Variants in AMPD2 observed in about 807,000 individuals in gnomAD.
AMPD2 encodes AMP deaminase 2.
Under a neutral mutation model 91.3 loss-of-function variants are expected in AMPD2, and 52 were observed. The ratio of observed to expected loss-of-function variants is 0.57; its 90% CI spans 0.46 to 0.72. The LOEUF (loss-of-function observed/expected upper bound fraction) is 0.72. Among genes scored for constraint, AMPD2 ranks in the 30% least tolerant of loss-of-function variants. AMPD2 has a pLI of 0.00. For synonymous variants in AMPD2, 455 were observed against 456.4 expected (o/e 1.00, Z 0.04); for missense variants, 822 against 1,122.3 (o/e 0.73, Z 3.82).
At chr1:109,630,627 G>T in intron 17 of AMPD2, 56 bp from the exon 18 acceptor site, 1 of 1,487,228 alleles carries the variant, frequency 6.7e-7, no homozygotes, top group African/African-American at 1.4e-5. Flanking sequence ...GCTGGGGAAG[G>T]GAGGCAGGGG....
In AMPD2 at chr1:109,630,249, AC is replaced by A; in HGVS notation, c.2002del (p.Leu668CysfsTer55). 1 of 1,612,996 alleles carries A rather than the reference AC, an allele frequency of 6.2e-7. No homozygotes were observed. The highest frequency in any genetic ancestry group is 8.5e-7 in the Non-Finnish European group (1 of 1,179,926). On this transcript the variant is annotated frameshift_variant, in exon 17 of 19. Coordinates refer to ENST00000528667, the MANE Select transcript of AMPD2 (RefSeq NM_001368809.2). LOFTEE classifies it high-confidence loss of function. ...CCTGCCCAGGCCCCCGTCCTGCAGT[AC>A]CTGTACTACCTGGCCCAGATCGGCA... ...LLLRKAPVLQ[Y>X]LYYLAQIGIA...
chr1:109,630,015 A>C, intron 16 of AMPD2, 99 bp downstream of exon 16: 1 of 1,511,596 alleles, frequency 6.6e-7, no homozygotes, highest in Non-Finnish European at 8.9e-7. Context: ...CCCAGCCCTC[A>C]GATTGGATTC....
rs1210109514 is a variant in AMPD2 at position 109,627,423 on chromosome 1, T to G, written c.861-6T>G. 6.2e-7 allele frequency: 1 copy of G among 1,613,932 alleles called. No individual in the cohort carries two copies. The highest frequency in any genetic ancestry group is 1.3e-5 in the African/African-American group (1 of 74,892). The stretch of plus-strand genomic sequence containing the variant: ...CTCTCCTCACCCAAGCTCCCCTCCA[T>G]GCCAGTTGCTCAGAGGTGGAGCTGC... On this transcript the variant is annotated splice_polypyrimidine_tract_variant and splice_region_variant and intron_variant, in intron 8 of 18. Transcript: ENST00000528667.
chr1:109,627,567 T>G, intron 9 of AMPD2, 49 bp downstream of exon 9: 1 of 1,605,588 alleles, frequency 6.2e-7, no homozygotes, highest in East Asian at 2.2e-5. Context: ...CAGCCCAGAT[T>G]CTCCAGCCCC....
In AMPD2 at chr1:109,629,908, C is replaced by A; in HGVS notation, c.1975C>A (p.Leu659Met). ...TGAGAACATTTCCCACGGGCTCCTT[C>A]TGCGCAAGGTCAGGATCTGCACCCC... ...LAENISHGLL[L>M]RKAPVLQYLY... The change falls in exon 16 of 19, where the codon CTG becomes ATG. Residue 659 changes from leucine (L) to methionine (M), a missense_variant. Around this residue, in one of 5 missense-constraint regions of AMPD2, gnomAD observed 430 missense variants for 606.0 expected, o/e 0.71. Transcript: ENST00000528667. The A allele has an allele frequency of 6.2e-7, 1 of 1,607,704 alleles. No homozygotes were observed. The highest frequency in any genetic ancestry group is 8.5e-7 in the Non-Finnish European group (1 of 1,176,068).
Position 109,628,899 on chromosome 1 carries a change from T to C in AMPD2, c.1571+93T>C. On this transcript the variant is annotated intron_variant, in intron 13 of 18. Coordinates refer to ENST00000528667, the MANE Select transcript of AMPD2 (RefSeq NM_001368809.2). The surrounding 1 kb of genome is among the most constrained non-coding windows in gnomAD (Gnocchi z 7.1). ...CCCTCCTAGGATGGCTGAGCCTCCC[T>C]TGTCCCTGCCAACCCCTCTGAGTGC... The C allele has an allele frequency of 6.8e-7, 1 of 1,481,370 alleles. No individual in the cohort carries two copies. The highest frequency in any genetic ancestry group is 1.3e-5 in the South Asian group (1 of 75,074). The allele number at this position is 1,481,370 out of a possible 1,614,324, so 91.8% of individuals were successfully genotyped here. A position where few individuals can be genotyped will look rare whatever the true frequency, so the allele number is the denominator to read the frequency against.
chr1:109,621,900 G>T (rs1375878644), intron 2 of AMPD2, among the ~76,000 whole-genome samples: 4 of 152,254 alleles, frequency 2.6e-5, no homozygotes, highest in Admixed American at 6.5e-5. Flanking sequence ...TGCCCGCACT[G>T]TGTGTGCTTC....
chr1:109,630,016 G>A (rs1322111484), intron 16 of AMPD2, 100 bp downstream of exon 16: 1 of 1,511,616 alleles, frequency 6.6e-7, no homozygotes, highest in South Asian at 1.3e-5. Flanking sequence ...CCAGCCCTCA[G>A]ATTGGATTCT....
Position 109,625,658 on chromosome 1 carries a change from C to T in AMPD2, c.223-4C>T, listed in dbSNP as rs116223306. 1.2e-3 allele frequency: 1,935 copies of T among 1,613,794 alleles called. 22 individuals are homozygous for T. The African/African-American group carries it at 0.022, about 18-fold the overall frequency. On this transcript the variant is annotated splice_region_variant and splice_polypyrimidine_tract_variant and intron_variant, in intron 3 of 18. Transcript: ENST00000528667. The surrounding 1 kb of genome is among the most constrained non-coding windows in gnomAD (Gnocchi z 4.0). Reference sequence around the variant, plus strand: ...CCATGCTGACCTTCCTTCCCTCCCCCCAGGAGCTGTTCACCCGCTCACTGG... The same window carrying T: ...CCATGCTGACCTTCCTTCCCTCCCCTCAGGAGCTGTTCACCCGCTCACTGG...
chr1:109,626,382 A>G lies in AMPD2; in HGVS notation c.486A>G (p.Glu162=). The change falls in exon 6 of 19, where the codon GAA becomes GAG. Residue 162 remains glutamate (E), a synonymous_variant. Transcript: ENST00000528667. ...DRSLRERDVL[E]REFQRVTISG... is the part of the protein sequence containing the mutation. ...GCCTGCGGGAGCGTGATGTGCTGGA[A>G]CGGGAGTTTCAGCGGGTCACCATCT... The G allele has an allele frequency of 1.2e-6, 2 of 1,612,202 alleles. No homozygotes were observed. The highest frequency in any genetic ancestry group is 1.7e-6 in the Non-Finnish European group (2 of 1,179,318).
In AMPD2 at chr1:109,627,196, C is replaced by T. The variant is rs145441666; in HGVS notation, c.740C>T (p.Ala247Val). 2.1e-5 allele frequency: 34 copies of T among 1,613,324 alleles called. No homozygotes were observed. The highest frequency in any genetic ancestry group is 1.1e-4 in the South Asian group (10 of 91,000). The change falls in exon 8 of 19, where the codon GCG becomes GTG. Residue 247 changes from alanine (A) to valine (V), a missense_variant. Around this residue, in one of 5 missense-constraint regions of AMPD2, gnomAD observed 240 missense variants for 270.3 expected, o/e 0.89. Coordinates refer to ENST00000528667, the MANE Select transcript of AMPD2 (RefSeq NM_001368809.2). ...GCAGATGCCCCGGTGCACCCCCCTG[C>T]GCTGGAGCAGCACCCGTATGAGCAC... Reference protein sequence around the residue: ...VSADAPVHPPALEQHPYEHCE... With the variant: ...VSADAPVHPPVLEQHPYEHCE...
chr1:109,621,340 C>T (rs749594781), intron 2 of AMPD2, 74 bp downstream of exon 2: 84 of 1,534,442 alleles, frequency 5.5e-5, no homozygotes, highest in Non-Finnish European at 7.3e-5. Flanking sequence ...GGTGCTGGTC[C>T]CCTCAGAGGG....
rs1182004777 is a variant in AMPD2 at position 109,628,241 on chromosome 1, C to T, written c.1239C>T (p.Ala413=). 4 of 1,613,932 alleles carry T rather than the reference C, an allele frequency of 2.5e-6. No homozygotes were observed. In the South Asian group the frequency reaches 3.3e-5, roughly 13 times the overall value. Reference sequence around the variant, plus strand: ...TCTTTGAGAGCATGAATCTCACGGCCTACGACCTGAGTGTGGACACGCTGG... The same window carrying T: ...TCTTTGAGAGCATGAATCTCACGGCTTACGACCTGAGTGTGGACACGCTGG... ...REVFESMNLT[A]YDLSVDTLDV... The change falls in exon 11 of 19, where the codon GCC becomes GCT. Residue 413 remains alanine, a synonymous_variant. Coordinates refer to ENST00000528667, the MANE Select transcript of AMPD2 (RefSeq NM_001368809.2). This position sits in a 1 kb window ranked among gnomAD's most constrained non-coding sequence, Gnocchi z 7.1.
Position 109,626,313 on chromosome 1 carries a change from C to CT in AMPD2, c.423-5dup, listed in dbSNP as rs1650677454. 6.2e-7 allele frequency: 1 copy of CT among 1,613,582 alleles called. No homozygotes were observed. Among genetic ancestry groups the CT allele is most frequent in the East Asian group, 2.2e-5 (1 of 44,878 alleles). On this transcript the variant is annotated splice_polypyrimidine_tract_variant and splice_region_variant and intron_variant, in intron 5 of 18. Transcript: ENST00000528667. ...TAAACCCCTCCCTTGAATGCACCCCCTGCAGGCTCTACAAGGAACAGGGTG... is the reference window on the plus strand; with the variant it reads ...TAAACCCCTCCCTTGAATGCACCCCCTTGCAGGCTCTACAAGGAACAGGGTG...
Position 109,625,267 on chromosome 1 carries a change from C to T in AMPD2, c.92-36C>T. 1.2e-6 allele frequency: 2 copies of T among 1,606,664 alleles called. No individual in the cohort carries two copies. The highest frequency in any genetic ancestry group is 1.1e-5 in the South Asian group (1 of 90,608). On this transcript the variant is annotated intron_variant, in intron 2 of 18. Transcript: ENST00000528667. The surrounding 1 kb of genome is among the most constrained non-coding windows in gnomAD (Gnocchi z 4.0). ...GGCCCAGGGCTTTCAGGGGCTGCCC[C>T]TCCACCCTTTGACCCTGGCATCACT...
intron 4 of AMPD2, 150 bp from the exon 5 acceptor site, chr1:109,626,010 A>G (rs1220056299): frequency 6.2e-6 from 7 of 1,120,078 alleles, no homozygotes; most frequent in East Asian, 2.6e-5. Flanking sequence ...TCTCATCTCT[A>G]AAGTGAGTGA....
chr1:109,631,097 T>C lies in AMPD2; in HGVS notation c.2423T>C (p.Met808Thr). 6.2e-7 allele frequency: 1 copy of C among 1,610,554 alleles called. No homozygotes were observed. Among genetic ancestry groups the C allele is most frequent in the Non-Finnish European group, 8.5e-7 (1 of 1,178,492 alleles). Reference sequence around the variant, plus strand: ...ATCACGCAGGCAGTCCAGAGTGAGATGCTGGAGACCATTCCAGAGGAGGCG... The same window carrying C: ...ATCACGCAGGCAGTCCAGAGTGAGACGCTGGAGACCATTCCAGAGGAGGCG... ...ALITQAVQSEMLETIPEEAGI... is the reference protein window; with the variant it reads ...ALITQAVQSETLETIPEEAGI... Residue 808 changes from methionine to threonine, a missense_variant, in exon 19 of 19, where the codon ATG becomes ACG. Met to Thr is a moderately conservative substitution (Grantham distance 81). Transcript: ENST00000528667.
intron 2 of AMPD2, 97 bp downstream of exon 2, chr1:109,621,363 C>T (rs748642317): frequency 5.2e-6 from 6 of 1,149,398 alleles, no homozygotes; most frequent in South Asian, 3.8e-5. Context: ...CCACCTCCTC[C>T]GGCATCCTCT....
chr1:109,627,279 G>T lies in AMPD2; in HGVS notation c.823G>T (p.Val275Leu). 2 of 1,607,868 alleles carry T rather than the reference G, an allele frequency of 1.2e-6. No individual in the cohort carries two copies. The highest frequency in any genetic ancestry group is 1.7e-6 in the Non-Finnish European group (2 of 1,176,140). The part of the protein sequence containing the change: ...LGLGLRMVRG[V>L]VHVYTRREPD... ...CTTGGGTCTGCGCATGGTGCGGGGT[G>T]TGGTGCACGTCTACACCCGCAGGGA... The change falls in exon 8 of 19, where the codon GTG (valine) becomes TTG (leucine). Residue 275 changes from valine (V) to leucine (L), a missense_variant. Coordinates refer to ENST00000528667, the MANE Select transcript of AMPD2 (RefSeq NM_001368809.2).
Sources: gnomAD v4.1 joint callset for allele counts (sites outside exome capture counted in the v4.1 genomes callset) on GRCh38, gnomAD v4.1.1 for gene constraint, gnomAD v4.1.1 regional missense constraint, Gnocchi (gnomAD v3.1) non-coding constraint, MANE v1.5 for transcripts, NCBI Gene and HGNC (gene_info 2026-07-23, HGNC 2026-07-21) for gene names.